The following AP4B1 variants were observed in gnomAD, a reference collection of about 807,000 sequenced individuals.
The protein encoded by AP4B1 is adaptor related protein complex 4 subunit beta 1, also known as AP-4 complex subunit beta-1.
A neutral mutation model predicts 76.5 loss-of-function variants in AP4B1; 49 were observed. That is an observed-to-expected ratio of 0.64 (90% CI 0.51 to 0.81). The LOEUF (loss-of-function observed/expected upper bound fraction) is 0.81, where lower values mean the gene tolerates loss of function less well. Among genes scored for constraint, AP4B1 ranks in the 40% least tolerant of loss-of-function variants. The pLI is 0.00. For missense variants in AP4B1, 911 were observed against 904.9 expected (o/e 1.01, Z -0.09); for synonymous variants, 330 against 333.3 (o/e 0.99, Z 0.11).
chr1:113,897,767 T>G, intron 7 of AP4B1, 73 bp downstream of exon 7: 1 of 1,502,544 alleles, frequency 6.7e-7, no homozygotes, highest in South Asian at 1.1e-5. Context: ...AGAGAATAAT[T>G]AGATTCCATT....
chr1:113,898,330 G>A (rs1335500037), intron 6 of AP4B1, among the ~76,000 whole-genome samples: 1 of 152,182 alleles, frequency 6.6e-6, no homozygotes, highest in Non-Finnish European at 1.5e-5. Flanking sequence ...ATGCAGGATT[G>A]GCTCTTGCAG....
chr1:113,899,972 A>C lies in AP4B1; in HGVS notation c.1046T>G (p.Leu349Arg). The change falls in exon 5 of 10, where the codon CTA (leucine) becomes CGA (arginine). Residue 349 changes from leucine (L) to arginine (R), a missense_variant. By Grantham distance (102) the Leu-to-Arg change is moderately radical (BLOSUM62 -2). Coordinates refer to ENST00000369569, the MANE Select transcript of AP4B1 (RefSeq NM_001253852.3). Reference sequence around the variant, plus strand: ...CGTGCAGTACCCTCGAAGCTCCTCTAGCACCTGCTGCACATTCTCATCGTT... The same window carrying C: ...CGTGCAGTACCCTCGAAGCTCCTCTCGCACCTGCTGCACATTCTCATCGTT... ...LVNDENVQQV[L>R]EELRGYCTDV... The C allele has an allele frequency of 1.2e-6, 2 of 1,614,194 alleles. No homozygotes were observed. Among genetic ancestry groups the C allele is most frequent in the Non-Finnish European group, 1.7e-6 (2 of 1,180,020 alleles).
chr1:113,901,694 T>C, intron 3 of AP4B1, 61 bp downstream of exon 3: 1 of 1,606,274 alleles, frequency 6.2e-7, no homozygotes, highest in East Asian at 2.2e-5. Flanking sequence ...AGCCACACAA[T>C]CTTTTTTAAA....
intron 1 of AP4B1, among the ~76,000 whole-genome samples, chr1:113,903,766 T>C (rs1668607842): frequency 6.6e-6 from 1 of 152,204 alleles, no homozygotes; most frequent in Non-Finnish European, 1.5e-5. Context: ...TAACAGCTTG[T>C]TCCTTGGGTG....
rs146037276 is a variant in AP4B1 at position 113,899,151 on chromosome 1, C to T, written c.1115-350G>A. 5.8e-5 allele frequency: 65 copies of T among 1,111,272 alleles called. No homozygotes were observed. In the East Asian group the frequency reaches 4.6e-3, roughly 79 times the overall value. The allele number at this position is 1,111,272 out of a possible 1,614,324, so 68.8% of individuals were successfully genotyped here. A position where few individuals can be genotyped will look rare whatever the true frequency, so the allele number is the denominator to read the frequency against. On this transcript the variant is annotated intron_variant, in intron 5 of 9. Transcript: ENST00000369569. ...TGCAATGGAGTATTTTTGTGGGGGACACTTGACAGCAGTCTCCTAAGGATT... is the reference window on the plus strand; with the variant it reads ...TGCAATGGAGTATTTTTGTGGGGGATACTTGACAGCAGTCTCCTAAGGATT...
In AP4B1 at chr1:113,895,250, A is replaced by C. The variant is rs797045243; in HGVS notation, c.2035T>G (p.Trp679Gly). The change falls in exon 10 of 10, where the codon TGG (tryptophan) becomes GGG (glycine). Residue 679 changes from tryptophan to glycine, a missense_variant. Trp to Gly is a radical substitution (Grantham distance 184). Transcript: ENST00000369569. ...TCCTGAGCACTGAGGTATGCTTTCC[A>C]TGGCCGAGACCCAGCCCTACTCATT... Reference protein sequence around the residue: ...IAMSRAGSRPWKAYLSAQDDT... With the variant: ...IAMSRAGSRPGKAYLSAQDDT... 3 of 1,614,060 alleles carry C rather than the reference A, an allele frequency of 1.9e-6. No homozygotes were observed. Among genetic ancestry groups the C allele is most frequent in the Non-Finnish European group, 2.5e-6 (3 of 1,180,054 alleles).
At chr1:113,901,092 A>G (rs1668189884) in intron 4 of AP4B1, 144 bp downstream of exon 4, 4 of 1,205,220 alleles carry the variant, frequency 3.3e-6, no homozygotes, top group South Asian at 1.4e-5. Flanking sequence ...AGACAACAAG[A>G]GCAAAACTCC....
At chr1:113,900,535 G>A in intron 4 of AP4B1, 135 bp from the exon 5 acceptor site, 1 of 1,096,420 alleles carries the variant, frequency 9.1e-7, no homozygotes, top group Non-Finnish European at 1.3e-6. Flanking sequence ...CCATAATTAA[G>A]TCACTTTTCA....
chr1:113,899,952 A>G lies in AP4B1; in HGVS notation c.1066T>C (p.Cys356Arg). The change falls in exon 5 of 10, where the codon TGC becomes CGC. Residue 356 changes from cysteine (C) to arginine (R), a missense_variant. Physicochemically the swap from Cys to Arg is radical, Grantham distance 180. Coordinates refer to ENST00000369569, the MANE Select transcript of AP4B1 (RefSeq NM_001253852.3). Reference sequence around the variant, plus strand: ...GCAAAGTCCGCAGACACATCCGTGCAGTACCCTCGAAGCTCCTCTAGCACC... The same window carrying G: ...GCAAAGTCCGCAGACACATCCGTGCGGTACCCTCGAAGCTCCTCTAGCACC... ...QQVLEELRGY[C>R]TDVSADFAQA... The G allele has an allele frequency of 6.2e-7, 1 of 1,614,210 alleles. No individual in the cohort carries two copies. Among genetic ancestry groups the G allele is most frequent in the Non-Finnish European group, 8.5e-7 (1 of 1,180,034 alleles).
intron 8 of AP4B1, 69 bp from the exon 9 acceptor site, chr1:113,896,107 T>C (rs1667431043): frequency 1.2e-6 from 2 of 1,607,334 alleles, no homozygotes; most frequent in East Asian, 2.2e-5. Flanking sequence ...GTGCCAACCA[T>C]AATAGGAGAA....
At position 113,901,353 on chromosome 1, in the gene AP4B1, A is replaced by C. The variant is rs752274028; in HGVS notation, c.500T>G (p.Leu167Trp). Residue 167 changes from leucine (L) to tryptophan (W), a missense_variant, in exon 4 of 10, where the codon TTG becomes TGG. Transcript: ENST00000369569. ...TACAATTGGATCCTGGTCACGCAGC[A>C]AACTGTATAATTCATTTACCAGGGC... ...DGALVNELYS[L>W]LRDQDPIVVV... The C allele has an allele frequency of 6.2e-7, 1 of 1,614,164 alleles. No individual in the cohort carries two copies. Among genetic ancestry groups the C allele is most frequent in the East Asian group, 2.2e-5 (1 of 44,876 alleles).
Position 113,902,640 on chromosome 1 carries a change from G to A in AP4B1, c.336C>T (p.Leu112=), listed in dbSNP as rs1461336598. 7 of 1,612,702 alleles carry A rather than the reference G, an allele frequency of 4.3e-6. No homozygotes were observed. Among genetic ancestry groups the A allele is most frequent in the South Asian group, 1.1e-5 (1 of 91,008 alleles). The change falls in exon 2 of 10, where the codon CTC becomes CTT. Residue 112 remains leucine, a splice_region_variant and synonymous_variant. Transcript: ENST00000369569. ...RGLALRSMCS[L]RMPGVQEYIQ... ...CAGACAGAGAAGAGGGTACTCACCTGAGGCTACACATGCTCCGTAACGCCA... is the reference window on the plus strand; with the variant it reads ...CAGACAGAGAAGAGGGTACTCACCTAAGGCTACACATGCTCCGTAACGCCA...
chr1:113,904,991 C>G, upstream of AP4B1: 1 of 456,904 alleles, frequency 2.2e-6, no homozygotes, highest in Non-Finnish European at 4.1e-6. Context: ...CCCGCTACTT[C>G]TAGGTCCTCC....
In AP4B1 at chr1:113,902,871, C is replaced by T. The variant is rs186195199; in HGVS notation, c.114-9G>A. 1.2e-5 allele frequency: 20 copies of T among 1,612,810 alleles called. No homozygotes were observed. Among genetic ancestry groups the T allele is most frequent in the African/African-American group, 1.2e-4 (9 of 75,014 alleles). ...AGCCTTGAGTCATGTACCTGAACAACGCACATGACAGAAGGAAGTAAAATG... is the reference window on the plus strand; with the variant it reads ...AGCCTTGAGTCATGTACCTGAACAATGCACATGACAGAAGGAAGTAAAATG... On this transcript the variant is annotated splice_polypyrimidine_tract_variant and intron_variant, in intron 1 of 9. Coordinates refer to ENST00000369569, the MANE Select transcript of AP4B1 (RefSeq NM_001253852.3).
At chr1:113,900,550 CTATT>C (rs895404384) in intron 4 of AP4B1, 150 bp from the exon 5 acceptor site, 16 of 966,528 alleles carry the variant, frequency 1.7e-5, no homozygotes, top group African/African-American at 3.3e-5. Flanking sequence ...TTTTCATGTA[CTATT>C]TAAAGTTTAC....
At chr1:113,896,535 C>T in intron 7 of AP4B1, 70 bp from the exon 8 acceptor site, 1 of 1,503,164 alleles carries the variant, frequency 6.7e-7, no homozygotes, top group Non-Finnish European at 9.3e-7. Flanking sequence ...TAATAGACAG[C>T]CACTGGTTTT....
At position 113,901,447 on chromosome 1, in the gene AP4B1, A is replaced by G; in HGVS notation, c.470-64T>C. ...GCTTCAGAGTAACAAGGATGTAGCC[A>G]GAGTAATAGCTCCAGGTAGACAAAG... On this transcript the variant is annotated intron_variant, in intron 3 of 9. Coordinates refer to ENST00000369569, the MANE Select transcript of AP4B1 (RefSeq NM_001253852.3). The G allele has an allele frequency of 3.2e-6, 5 of 1,553,844 alleles. No homozygotes were observed. In the South Asian group the frequency reaches 5.6e-5, roughly 17 times the overall value.
At position 113,896,460 on chromosome 1, in the gene AP4B1, C is replaced by T; in HGVS notation, c.1308G>A (p.Lys436=). ...CEENIQDSEG[K]QALIWLLGVH... ...CACCAAGTAGCCAAATAAGTGCTTG[C>T]TTCCCCTAGAGAATAAAGGAATAAG... is the stretch of plus-strand genomic sequence containing the variant. Residue 436 remains lysine (K), a synonymous_variant, in exon 8 of 10, where the codon AAG becomes AAA. Coordinates refer to ENST00000369569, the MANE Select transcript of AP4B1 (RefSeq NM_001253852.3). 1 of 1,614,196 alleles carries T rather than the reference C, an allele frequency of 6.2e-7. No homozygotes were observed. Among genetic ancestry groups the T allele is most frequent in the Non-Finnish European group, 8.5e-7 (1 of 1,179,996 alleles).
chr1:113,896,650 TA>T, intron 7 of AP4B1, 185 bp from the exon 8 acceptor site: 1 of 630,090 alleles, frequency 1.6e-6, no homozygotes, highest in Non-Finnish European at 2.8e-6. Context: ...AATGAAATTC[TA>T]ATACACAAGA....
Sources: gnomAD v4.1 joint callset for allele counts (sites outside exome capture counted in the v4.1 genomes callset) on GRCh38, gnomAD v4.1.1 for gene constraint, MANE v1.5 for transcripts, NCBI Gene and HGNC (gene_info 2026-07-23, HGNC 2026-07-21) for gene names.